EML1: variants seen among roughly 807,000 people sequenced by gnomAD.
The protein encoded by EML1 is EMAP like 1.
A neutral mutation model predicts 110.4 loss-of-function variants in EML1; 27 were observed. The ratio of observed to expected loss-of-function variants is 0.24; its 90% CI spans 0.18 to 0.34. The LOEUF (loss-of-function observed/expected upper bound fraction) is 0.34. Among genes scored for constraint, EML1 ranks in the 10% least tolerant of loss-of-function variants. The probability of loss-of-function intolerance (pLI) is 1.00; values close to 1 mark genes in which losing one functional copy is unlikely to be tolerated. For synonymous variants in EML1, 344 were observed against 385.8 expected (o/e 0.89, Z 1.27); for missense variants, 741 against 1,030.9 (o/e 0.72, Z 3.85).
chr14:99,800,608 G>A (rs931695480), intron 1 of EML1, among the ~76,000 whole-genome samples: 2 of 152,160 alleles, frequency 1.3e-5, no homozygotes, highest in Admixed American at 6.5e-5. Flanking sequence ...AGATCCTCCT[G>A]CCTTGGCTTC....
intron 3 of EML1, among the ~76,000 whole-genome samples, chr14:99,869,813 G>T (rs187897721): frequency 2.0e-5 from 3 of 152,154 alleles, no homozygotes; most frequent in African/African-American, 7.2e-5. Context: ...GTTTAAAAGA[G>T]CGTGGCACCT....
chr14:99,757,182 A>G (rs1445121677), intron 1 of EML1, among the ~76,000 whole-genome samples: 3 of 152,122 alleles, frequency 2.0e-5, no homozygotes, highest in Admixed American at 6.5e-5. Flanking sequence ...TCTACTAAAA[A>G]TACAAAATTA....
At chr14:99,755,805 G>C (rs543359393) in intron 1 of EML1, among the ~76,000 whole-genome samples, 1 of 152,176 alleles carries the variant, frequency 6.6e-6, no homozygotes, top group South Asian at 2.1e-4. Context: ...GGTGTGCGGG[G>C]ACCAAGCGGG....
At chr14:99,738,600 C>T (rs2056997743) in intron 1 of EML1, among the ~76,000 whole-genome samples, 1 of 152,266 alleles carries the variant, frequency 6.6e-6, no homozygotes, top group Non-Finnish European at 1.5e-5. Context: ...ATTTCACCTC[C>T]AGGCTGGGTG....
At chr14:99,837,475 T>TTTAAAAAGTAGCTACAGAATG (rs2058558523) in intron 1 of EML1, among the ~76,000 whole-genome samples, 2 of 152,364 alleles carry the variant, frequency 1.3e-5, no homozygotes, top group South Asian at 4.1e-4. Flanking sequence ...GATGGCACTT[T>TTTAAAAAGTAGCTACAGAATG]TTAAAAAGTA....
chr14:99,910,479 A>G (rs2059928954), intron 12 of EML1, 138 bp downstream of exon 12: 2 of 615,112 alleles, frequency 3.3e-6, no homozygotes, highest in African/African-American at 1.9e-5. Flanking sequence ...ACACACATAC[A>G]TGTGTGCATG....
chr14:99,764,932 G>T (rs1327393826), intron 1 of EML1, among the ~76,000 whole-genome samples: 3 of 151,964 alleles, frequency 2.0e-5, no homozygotes, highest in Admixed American at 6.6e-5. Flanking sequence ...GTTGTTGTTG[G>T]TGTTGTTGTT....
chr14:99,926,295 C>CT (rs2060232803), intron 17 of EML1, among the ~76,000 whole-genome samples: 1 of 129,252 alleles, frequency 7.7e-6, no homozygotes. Flanking sequence ...TTTTTTTTTT[C>CT]TTTTTTTGAG....
Position 99,872,904 on chromosome 14 carries a change from C to T in EML1, c.384-5581C>T, listed in dbSNP as rs142319517. 5.3e-5 allele frequency among the ~76,000 whole-genome samples: 8 copies of T among 152,128 alleles called. No homozygotes were observed. The East Asian group carries it at 1.2e-3, about 22-fold the overall frequency. On this transcript the variant is annotated intron_variant, in intron 3 of 21. Transcript: ENST00000262233. ...GGGTATATGTTTGTTTTCTTTTCTC[C>T]GGGGGTTTTTCAGCCTGGTGCTTAA...
At chr14:99,763,930 A>G (rs1400595427) in intron 1 of EML1, among the ~76,000 whole-genome samples, 1 of 152,166 alleles carries the variant, frequency 6.6e-6, no homozygotes, top group Non-Finnish European at 1.5e-5. Context: ...TGAGAGGTTC[A>G]TGACCTGTGC....
At chr14:99,881,607 C>CT (rs11452810) in intron 4 of EML1, among the ~76,000 whole-genome samples, 79,759 of 144,052 alleles carry the variant, frequency 0.55, 22,542 homozygotes, top group East Asian at 0.86. Flanking sequence ...TTTCTTTTTC[C>CT]TTTTTTTTTT....
chr14:99,840,185 T>C (rs548148356), intron 1 of EML1, among the ~76,000 whole-genome samples: 1 of 152,378 alleles, frequency 6.6e-6, no homozygotes, highest in South Asian at 2.1e-4. Flanking sequence ...TATTTGTTAC[T>C]GCTTAAATGA....
chr14:99,768,282 G>T (rs766913952), upstream of EML1, among the ~76,000 whole-genome samples: 3 of 152,214 alleles, frequency 2.0e-5, no homozygotes. Context: ...ATTCTTAGAC[G>T]TGACCCAGGG....
At chr14:99,899,801 G>A (rs2059730759) in intron 8 of EML1, among the ~76,000 whole-genome samples, 1 of 151,764 alleles carries the variant, frequency 6.6e-6, no homozygotes, top group Non-Finnish European at 1.5e-5. Flanking sequence ...TGGCTTAAAA[G>A]TATATTTCAG....
intron 2 of EML1, among the ~76,000 whole-genome samples, chr14:99,852,226 G>C (rs17572928): frequency 0.34 from 52,114 of 152,072 alleles, 9,554 homozygotes; most frequent in South Asian, 0.5. Context: ...ACTCTTCCTC[G>C]TGACTAACTG....
chr14:99,739,274 GCT>G (rs1297033877), intron 1 of EML1, among the ~76,000 whole-genome samples: 4 of 152,050 alleles, frequency 2.6e-5, no homozygotes, highest in African/African-American at 9.7e-5. Context: ...CCAGCAGACA[GCT>G]CTTTCTGGCT....
intron 1 of EML1, among the ~76,000 whole-genome samples, chr14:99,780,751 C>G (rs1206774468): frequency 2.0e-5 from 3 of 152,120 alleles, no homozygotes; most frequent in Non-Finnish European, 4.4e-5. Context: ...TTCACAAATA[C>G]TTACCATTGT....
chr14:99,788,824 C>G (rs896552712), upstream of EML1, among the ~76,000 whole-genome samples: 1 of 152,204 alleles, frequency 6.6e-6, no homozygotes, highest in Non-Finnish European at 1.5e-5. Flanking sequence ...ACTATTCCTT[C>G]CTCTCCCCAG....
intron 4 of EML1, chr14:99,886,097 T>A (rs1267644822): frequency 3.8e-6 from 1 of 262,832 alleles, no homozygotes; most frequent in Admixed American, 5.2e-5. Context: ...AAAAGCTGCT[T>A]AAGGACAATT....
Sources: gnomAD v4.1 joint callset for allele counts (sites outside exome capture counted in the v4.1 genomes callset) on GRCh38, gnomAD v4.1.1 for gene constraint, MANE v1.5 for transcripts, NCBI Gene and HGNC (gene_info 2026-07-23, HGNC 2026-07-21) for gene names.